Variants in GPBP1L1 observed in about 807,000 individuals in gnomAD.
The protein encoded by GPBP1L1 is GC-rich promoter binding protein 1 like 1.
Under a neutral mutation model 52.5 loss-of-function variants are expected in GPBP1L1, and 23 were observed. That is an observed-to-expected ratio of 0.44 (90% CI 0.32 to 0.62). The LOEUF (loss-of-function observed/expected upper bound fraction) is 0.62. Among genes scored for constraint, GPBP1L1 ranks in the 20% least tolerant of loss-of-function variants. The probability of loss-of-function intolerance (pLI) is 0.06; values close to 1 mark genes in which losing one functional copy is unlikely to be tolerated. For synonymous variants in GPBP1L1, 243 were observed against 203.1 expected (o/e 1.20, Z -1.67); for missense variants, 596 against 579.3 (o/e 1.03, Z -0.30).
At position 45,663,526 on chromosome 1, in the gene GPBP1L1, A is replaced by AAT. The variant is rs1387492497; in HGVS notation, c.-1097-2302_-1097-2301insAT. On this transcript the variant is annotated intron_variant, in intron 2 of 12. Transcript: ENST00000355105. ...TTACGGGTCCTACTAACAATTACTC[A>AAT]CCCATCACCCTCAAGAAGCTGGGAT... 2.0e-4 allele frequency among the ~76,000 whole-genome samples: 30 copies of AAT among 152,280 alleles called. No homozygotes were observed. In the East Asian group the frequency reaches 5.2e-3, roughly 26 times the overall value.
intron 2 of GPBP1L1, among the ~76,000 whole-genome samples, chr1:45,683,158 C>A: frequency 7.1e-6 from 1 of 141,624 alleles, no homozygotes. Flanking sequence ...CCATAACAGT[C>A]AAGTTAAACA....
chr1:45,658,954 A>C (rs954475377), intron 4 of GPBP1L1, 74 bp downstream of exon 4: 1 of 1,003,874 alleles, frequency 1.0e-6, no homozygotes, highest in Non-Finnish European at 1.6e-6. Context: ...AACAAAATGA[A>C]ACCAAAAAAC....
chr1:45,650,472 G>A (rs1325216665), intron 6 of GPBP1L1, among the ~76,000 whole-genome samples: 2 of 152,130 alleles, frequency 1.3e-5, no homozygotes, highest in African/African-American at 2.4e-5. Flanking sequence ...GTGCTGAGTG[G>A]TTCACAAACA....
chr1:45,646,762 T>C (rs1644752178), intron 6 of GPBP1L1, among the ~76,000 whole-genome samples: 1 of 152,096 alleles, frequency 6.6e-6, no homozygotes, highest in Admixed American at 6.5e-5. Context: ...TTTCAACATG[T>C]TAGTCAGGAT....
intron 6 of GPBP1L1, chr1:45,646,074 A>C (rs1644741740): frequency 4.2e-6 from 2 of 472,558 alleles, no homozygotes; most frequent in Admixed American, 4.7e-5. Flanking sequence ...ACGATGCTTC[A>C]TCATCACAGC....
intron 6 of GPBP1L1, among the ~76,000 whole-genome samples, chr1:45,647,039 ATAT>A (rs1047931809): frequency 5.3e-5 from 8 of 151,570 alleles, no homozygotes; most frequent in African/African-American, 1.9e-4. Flanking sequence ...TTCTTGAAAA[ATAT>A]TATTTATTCT....
At chr1:45,648,589 G>C (rs185614823) in intron 6 of GPBP1L1, among the ~76,000 whole-genome samples, 17 of 152,304 alleles carry the variant, frequency 1.1e-4, no homozygotes, top group Admixed American at 1.3e-4. Flanking sequence ...TATTAACCAA[G>C]CCTCTTATAT....
chr1:45,670,607 T>C (rs1021673054), intron 2 of GPBP1L1, among the ~76,000 whole-genome samples: 1 of 152,168 alleles, frequency 6.6e-6, no homozygotes, highest in Non-Finnish European at 1.5e-5. Context: ...GTATACGGTA[T>C]GAGACCCAGG....
At chr1:45,663,841 T>C (rs1181519192) in intron 2 of GPBP1L1, among the ~76,000 whole-genome samples, 4 of 152,214 alleles carry the variant, frequency 2.6e-5, no homozygotes, top group Non-Finnish European at 5.9e-5. Context: ...TAAAGATCTT[T>C]AGTGATGTCT....
At chr1:45,671,459 G>C (rs1231012895) in intron 2 of GPBP1L1, among the ~76,000 whole-genome samples, 1 of 151,956 alleles carries the variant, frequency 6.6e-6, no homozygotes, top group African/African-American at 2.4e-5. Flanking sequence ...ATCCACCTGG[G>C]CCTCCCAAAA....
At chr1:45,636,302 G>C (rs1296433724) in intron 8 of GPBP1L1, among the ~76,000 whole-genome samples, 1 of 152,024 alleles carries the variant, frequency 6.6e-6, no homozygotes, top group Admixed American at 6.6e-5. Flanking sequence ...AAGTATACTA[G>C]CATTCCAGAC....
chr1:45,648,992 T>G (rs577313440), intron 6 of GPBP1L1, among the ~76,000 whole-genome samples: 128 of 152,250 alleles, frequency 8.4e-4, no homozygotes, highest in Non-Finnish European at 1.5e-3. Context: ...ATCGCGCCAT[T>G]GCACTCCAGC....
At chr1:45,638,380 T>C (rs1042619208) in intron 8 of GPBP1L1, among the ~76,000 whole-genome samples, 1 of 152,236 alleles carries the variant, frequency 6.6e-6, no homozygotes. Context: ...CTTTATTCCC[T>C]AAAAACATCA....
At chr1:45,633,972 G>T (rs968161851) in intron 9 of GPBP1L1, 124 bp downstream of exon 9, 2 of 1,115,774 alleles carry the variant, frequency 1.8e-6, no homozygotes, top group East Asian at 4.8e-5. Flanking sequence ...CATCAATAAA[G>T]AAACTATTCT....
chr1:45,637,582 C>T (rs1644612444), intron 8 of GPBP1L1, among the ~76,000 whole-genome samples: 1 of 132,870 alleles, frequency 7.5e-6, no homozygotes, highest in Non-Finnish European at 1.7e-5. Context: ...CACAACAGGG[C>T]TAAAGTGATC....
At chr1:45,644,537 A>C (rs910048320) in intron 6 of GPBP1L1, among the ~76,000 whole-genome samples, 1 of 148,506 alleles carries the variant, frequency 6.7e-6, no homozygotes, top group Non-Finnish European at 1.5e-5. Flanking sequence ...AAAACTACTC[A>C]TACTTATGGT....
chr1:45,649,819 C>T (rs1204935531), intron 6 of GPBP1L1, among the ~76,000 whole-genome samples: 1 of 152,156 alleles, frequency 6.6e-6, no homozygotes, highest in Non-Finnish European at 1.5e-5. Context: ...CATACCCTTT[C>T]CCAGTTAATC....
intron 2 of GPBP1L1, among the ~76,000 whole-genome samples, chr1:45,663,201 T>C (rs1015627475): frequency 1.1e-4 from 16 of 152,164 alleles, no homozygotes; most frequent in Non-Finnish European, 1.8e-4. Context: ...TAAATAACTG[T>C]CTGGTGCGTA....
intron 2 of GPBP1L1, among the ~76,000 whole-genome samples, chr1:45,678,304 C>T (rs765397295): frequency 1.3e-5 from 2 of 152,146 alleles, no homozygotes; most frequent in Non-Finnish European, 2.9e-5. Context: ...AATTACAGCT[C>T]AATGAAGCTA....
Sources: allele counts gnomAD v4.1 joint callset (sites outside exome capture counted in the v4.1 genomes callset), GRCh38; gene constraint gnomAD v4.1.1; transcripts MANE v1.5; gene names NCBI Gene and HGNC (gene_info 2026-07-23, HGNC 2026-07-21).